The following SPICE1 variants were observed in gnomAD, a reference collection of about 807,000 sequenced individuals.
The protein encoded by SPICE1 is spindle and centriole-associated protein 1.
SPICE1 carries 75 observed loss-of-function variants against 102.7 expected under a neutral mutation model. That is an observed-to-expected ratio of 0.73 (90% CI 0.61 to 0.88). The LOEUF (loss-of-function observed/expected upper bound fraction) is 0.88, where lower values mean the gene tolerates loss of function less well. SPICE1 is among the 40% of genes least tolerant of loss of function. The pLI, the probability that SPICE1 is intolerant of heterozygous loss-of-function variation, is 0.00. For synonymous variants in SPICE1, 308 were observed against 350.3 expected (o/e 0.88, Z 1.35); for missense variants, 979 against 1,020.1 (o/e 0.96, Z 0.55).
intron 7 of SPICE1, among the ~76,000 whole-genome samples, chr3:113,479,894 A>G (rs186316196): frequency 1.2e-3 from 189 of 152,300 alleles, no homozygotes; most frequent in African/African-American, 4.2e-3. Flanking sequence ...TAAAGACAAA[A>G]GCAAAAATTG....
In SPICE1 at chr3:113,514,955, G is replaced by C. The variant is rs964086877; in HGVS notation, c.-59C>G. The C allele has an allele frequency of 9.2e-5, 85 of 920,980 alleles. No homozygotes were observed. Among genetic ancestry groups the C allele is most frequent in the Non-Finnish European group, 1.1e-4 (77 of 706,032 alleles). 57.1% of individuals were successfully genotyped at this position (920,980 alleles called of 1,614,324 possible). ...TTCCTGAAGTAAGGATTCCCCAACC[G>C]GGCGCCTGGATCCCAGGCAACAGAC... is the stretch of plus-strand genomic sequence containing the variant. On this transcript the variant is annotated 5_prime_UTR_variant, in exon 1 of 18. Coordinates refer to ENST00000295872, the MANE Select transcript of SPICE1 (RefSeq NM_144718.4).
chr3:113,479,895 GC>G (rs2107479317), intron 7 of SPICE1, among the ~76,000 whole-genome samples: 1 of 152,062 alleles, frequency 6.6e-6, no homozygotes, highest in South Asian at 2.1e-4. Context: ...AAAGACAAAA[GC>G]AAAAATTGAT....
chr3:113,488,928 A>G lies in SPICE1; in HGVS notation c.611+17T>C. ...AAAAACCTGAGAGTTGTAAATATTT[A>G]TGCCATATACACATACCTGTCTGTA... On this transcript the variant is annotated intron_variant, in intron 7 of 17. Coordinates refer to ENST00000295872, the MANE Select transcript of SPICE1 (RefSeq NM_144718.4). The G allele has an allele frequency of 6.8e-7, 1 of 1,462,130 alleles. No homozygotes were observed. Among genetic ancestry groups the G allele is most frequent in the South Asian group, 1.2e-5 (1 of 83,660 alleles). 90.6% of individuals were successfully genotyped at this position (1,462,130 alleles called of 1,614,324 possible).
At chr3:113,460,819 C>T in intron 11 of SPICE1, 55 bp from the exon 12 acceptor site, 11 of 1,510,262 alleles carry the variant, frequency 7.3e-6, no homozygotes, top group South Asian at 1.4e-5. Flanking sequence ...ATCAAACCAC[C>T]ACCTAGAAAG....
chr3:113,449,316 T>C (rs1037254315), intron 15 of SPICE1: 2 of 129,610 alleles, frequency 1.5e-5, no homozygotes, highest in African/African-American at 6.2e-5. Flanking sequence ...TGTTCGCACA[T>C]AGTACATGTT....
chr3:113,483,218 G>T (rs1008051656), intron 7 of SPICE1, among the ~76,000 whole-genome samples: 2 of 152,234 alleles, frequency 1.3e-5, no homozygotes, highest in South Asian at 2.1e-4. Flanking sequence ...TCTGTTATTG[G>T]TGTATAAGAA....
At position 113,465,654 on chromosome 3, in the gene SPICE1, T is replaced by C; in HGVS notation, c.1286A>G (p.Gln429Arg). The stretch of plus-strand genomic sequence containing the variant: ...AAAATTGGGATCTCATCTGAGTACC[T>C]GTGTAGCAGCGTTTTCTTCTCTAAG... ...LRLREENAAT[Q>R]ARLQQYMVTT... is the part of the protein sequence containing the mutation. The change falls in exon 11 of 18, where the codon CAG becomes CGG. Residue 429 changes from glutamine to arginine, a missense_variant and splice_region_variant. Coordinates refer to ENST00000295872, the MANE Select transcript of SPICE1 (RefSeq NM_144718.4). 6.2e-7 allele frequency: 1 copy of C among 1,612,398 alleles called. No homozygotes were observed. The highest frequency in any genetic ancestry group is 1.1e-5 in the South Asian group (1 of 90,534).
intron 16 of SPICE1, among the ~76,000 whole-genome samples, 195 bp downstream of exon 16, chr3:113,447,843 C>T (rs772325131): frequency 5.3e-5 from 8 of 152,170 alleles, no homozygotes; most frequent in Non-Finnish European, 1.2e-4. Context: ...CAAACCCATG[C>T]CTTTCTACTT....
At chr3:113,471,238 C>T (rs549900308) in intron 7 of SPICE1, among the ~76,000 whole-genome samples, 1 of 152,252 alleles carries the variant, frequency 6.6e-6, no homozygotes, top group African/African-American at 2.4e-5. Context: ...TCTTCAGATA[C>T]AATTTAGAAT....
At chr3:113,450,121 T>C in intron 15 of SPICE1, 1 of 569,726 alleles carries the variant, frequency 1.8e-6, no homozygotes, top group Non-Finnish European at 3.1e-6. Flanking sequence ...AAAGATTAAC[T>C]ATAGGCATCA....
rs567980346 is a variant in SPICE1 at position 113,443,610 on chromosome 3, ATTC to A, written c.*1694_*1696del. On this transcript the variant is annotated 3_prime_UTR_variant, in exon 18 of 18. Coordinates refer to ENST00000295872, the MANE Select transcript of SPICE1 (RefSeq NM_144718.4). ...AGTAATGGCTCAATAAGGAACAGCT[ATTC>A]TTATTATTATGCTGCTTCCATACTA... 3.9e-3 allele frequency: 600 copies of A among 152,300 alleles called. 4 individuals are homozygous for A. The highest frequency in any genetic ancestry group is 0.014 in the African/African-American group (576 of 41,568). The allele number at this position is 152,300 out of a possible 1,614,324, so 9.4% of individuals were successfully genotyped here.
intron 7 of SPICE1, among the ~76,000 whole-genome samples, chr3:113,470,884 T>G (rs924204587): frequency 6.6e-6 from 1 of 152,266 alleles, no homozygotes; most frequent in Admixed American, 6.5e-5. Context: ...GAAATGTCTA[T>G]AACTTTCATC....
At chr3:113,495,598 T>C (rs1214302983) in intron 4 of SPICE1, among the ~76,000 whole-genome samples, 3 of 152,212 alleles carry the variant, frequency 2.0e-5, no homozygotes, top group Non-Finnish European at 4.4e-5. Context: ...TAGATGGATA[T>C]GGAAACACTG....
chr3:113,459,465 A>C (rs1045751188), intron 12 of SPICE1: 10 of 978,930 alleles, frequency 1.0e-5, no homozygotes, highest in African/African-American at 5.3e-5. Context: ...ACAAAAAAAA[A>C]CAATAATTCT....
chr3:113,491,252 A>G (rs1444731166), intron 6 of SPICE1, among the ~76,000 whole-genome samples: 1 of 152,154 alleles, frequency 6.6e-6, no homozygotes, highest in Non-Finnish European at 1.5e-5. Flanking sequence ...ACTAATTCCT[A>G]TATGGATGAA....
Position 113,487,320 on chromosome 3 carries a change from C to G in SPICE1, c.611+1625G>C, listed in dbSNP as rs559544616. On this transcript the variant is annotated intron_variant, in intron 7 of 17. Transcript: ENST00000295872. ...TGGAATAAGAAGACCAAGATAAAAC[C>G]AATAGTGTTAAATTGGACTTAGAGG... Among the ~76,000 whole-genome samples the G allele has an allele frequency of 4.6e-5, 7 of 151,888 alleles. No individual in the cohort carries two copies. The South Asian group carries it at 1.5e-3, about 32-fold the overall frequency.
chr3:113,452,251 T>C (rs1935670250), intron 14 of SPICE1, among the ~76,000 whole-genome samples: 1 of 152,246 alleles, frequency 6.6e-6, no homozygotes, highest in African/African-American at 2.4e-5. Context: ...GTCCTCAGAC[T>C]AGCAGCACTG....
chr3:113,449,355 C>T (rs867481572), intron 15 of SPICE1: 1 of 145,894 alleles, frequency 6.9e-6, no homozygotes, highest in African/African-American at 2.6e-5. Context: ...GCACATAGTA[C>T]ATGTTCATAT....
intron 10 of SPICE1, among the ~76,000 whole-genome samples, chr3:113,467,014 T>C (rs1162891358): frequency 6.6e-6 from 1 of 151,956 alleles, no homozygotes; most frequent in Non-Finnish European, 1.5e-5. Context: ...ATGCCACTAC[T>C]GCACCCTAGC....
Sources: gnomAD v4.1 joint callset for allele counts (sites outside exome capture counted in the v4.1 genomes callset) on GRCh38, gnomAD v4.1.1 for gene constraint, MANE v1.5 for transcripts, NCBI Gene and HGNC (gene_info 2026-07-23, HGNC 2026-07-21) for gene names.